The following SLC35F1 variants were observed in gnomAD, a reference collection of about 807,000 sequenced individuals.
SLC35F1 encodes the protein chromosome 6 open reading frame 169.
In SLC35F1, 14 loss-of-function variants were observed where a neutral mutation model predicts 48.7. The ratio of observed to expected loss-of-function variants is 0.29; its 90% CI spans 0.19 to 0.45. The LOEUF (loss-of-function observed/expected upper bound fraction) is 0.45, where lower values mean the gene tolerates loss of function less well. SLC35F1 is among the 20% of genes least tolerant of loss of function. The pLI, the probability that SLC35F1 is intolerant of heterozygous loss-of-function variation, is 1.00. For synonymous variants in SLC35F1, 190 were observed against 202.2 expected (o/e 0.94, Z 0.51); for missense variants, 404 against 500.0 (o/e 0.81, Z 1.83).
chr6:118,127,625 G>A (rs1264820001), intron 1 of SLC35F1, among the ~76,000 whole-genome samples: 1 of 151,852 alleles, frequency 6.6e-6, no homozygotes, highest in Non-Finnish European at 1.5e-5. Context: ...AGCTGAAACT[G>A]GATCCCTTCC....
At chr6:118,188,596 A>C (rs1774692627) in intron 2 of SLC35F1, among the ~76,000 whole-genome samples, 1 of 152,046 alleles carries the variant, frequency 6.6e-6, no homozygotes, top group African/African-American at 2.4e-5. Flanking sequence ...GAAATCCCTT[A>C]AACTTATTGG....
rs935568636 is a variant in SLC35F1, at chr6:117,999,177, G to A, written c.173+91278G>A. 6.3e-5 allele frequency: 100 copies of A among 1,594,878 alleles called. No homozygotes were observed. The East Asian group carries it at 1.3e-3, about 20-fold the overall frequency. On this transcript the variant is annotated intron_variant, in intron 1 of 7. Coordinates refer to ENST00000360388, the MANE Select transcript of SLC35F1 (RefSeq NM_001029858.4). ...AACAATGCCAAGGCCATGAGTGCAC[G>A]TGCCGAGGCTATCAAGGCCCTCGTA...
chr6:118,047,333 A>T (rs1400154612), intron 1 of SLC35F1, among the ~76,000 whole-genome samples: 1 of 152,248 alleles, frequency 6.6e-6, no homozygotes, highest in East Asian at 1.9e-4. Flanking sequence ...TAGACATAAA[A>T]CTTAGGGCAT....
In SLC35F1 at chr6:117,912,480, A is replaced by G. The variant is rs564370585; in HGVS notation, c.173+4581A>G. On this transcript the variant is annotated intron_variant, in intron 1 of 7. Coordinates refer to ENST00000360388, the MANE Select transcript of SLC35F1 (RefSeq NM_001029858.4). Reference sequence around the variant, plus strand: ...GGTATTCCATACAGTTGGTGGAAACATATAATTTAGATGATCCTTTCTGAT... The same window carrying G: ...GGTATTCCATACAGTTGGTGGAAACGTATAATTTAGATGATCCTTTCTGAT... Among the ~76,000 whole-genome samples, 3 of 152,340 alleles carry G rather than the reference A, an allele frequency of 2.0e-5. No individual in the cohort carries two copies. The East Asian group carries it at 5.8e-4, about 29-fold the overall frequency.
chr6:118,234,732 A>G (rs1338982930), intron 2 of SLC35F1, among the ~76,000 whole-genome samples: 2 of 152,162 alleles, frequency 1.3e-5, no homozygotes, highest in Admixed American at 6.5e-5. Flanking sequence ...TACATCCTCT[A>G]TGAAGACCCC....
intron 1 of SLC35F1, among the ~76,000 whole-genome samples, chr6:117,962,811 C>T (rs1276444475): frequency 6.6e-6 from 1 of 152,206 alleles, no homozygotes; most frequent in Non-Finnish European, 1.5e-5. Flanking sequence ...ATCAGCTAGG[C>T]ACTCTTTAAT....
chr6:118,217,052 G>A (rs77626332), intron 2 of SLC35F1, among the ~76,000 whole-genome samples: 1 of 152,050 alleles, frequency 6.6e-6, no homozygotes. Flanking sequence ...GAAAAAAAAA[G>A]TTCCCTACAG....
intron 3 of SLC35F1, among the ~76,000 whole-genome samples, chr6:118,240,932 T>C (rs1486529472): frequency 1.3e-5 from 2 of 151,974 alleles, no homozygotes; most frequent in Non-Finnish European, 2.9e-5. Flanking sequence ...CCATTTCAAG[T>C]GTTTGGGTCT....
chr6:118,061,865 A>T (rs1045175324), intron 1 of SLC35F1, among the ~76,000 whole-genome samples: 1 of 152,194 alleles, frequency 6.6e-6, no homozygotes, highest in South Asian at 2.1e-4. Flanking sequence ...CTGCACTCCT[A>T]CGAGAATCTA....
At chr6:117,973,896 A>G (rs900310346) in intron 1 of SLC35F1, among the ~76,000 whole-genome samples, 5 of 152,222 alleles carry the variant, frequency 3.3e-5, no homozygotes, top group African/African-American at 1.2e-4. Flanking sequence ...ACTCAAAGTT[A>G]TGGTTTCTTC....
At chr6:118,042,445 T>C (rs888197628) in intron 1 of SLC35F1, among the ~76,000 whole-genome samples, 3 of 152,132 alleles carry the variant, frequency 2.0e-5, no homozygotes, top group African/African-American at 7.2e-5. Flanking sequence ...ATGAAGAAGG[T>C]CATCTCAGAC....
At chr6:118,043,942 T>C (rs1285007612) in intron 1 of SLC35F1, among the ~76,000 whole-genome samples, 1 of 152,224 alleles carries the variant, frequency 6.6e-6, no homozygotes, top group East Asian at 1.9e-4. Flanking sequence ...GGATGTGACC[T>C]ATTCCCCTTG....
chr6:118,229,307 G>A (rs1775259139), intron 2 of SLC35F1, among the ~76,000 whole-genome samples: 1 of 152,158 alleles, frequency 6.6e-6, no homozygotes. Context: ...ACTTAGATCA[G>A]GCAAGGAGAC....
intron 1 of SLC35F1, among the ~76,000 whole-genome samples, chr6:117,967,027 A>G (rs1776579700): frequency 6.6e-6 from 1 of 152,272 alleles, no homozygotes; most frequent in Admixed American, 6.5e-5. Context: ...CTCCAATTCT[A>G]CGAAGACAGA....
At chr6:118,264,954 C>T (rs918165621) in intron 3 of SLC35F1, among the ~76,000 whole-genome samples, 2 of 152,250 alleles carry the variant, frequency 1.3e-5, no homozygotes, top group African/African-American at 4.8e-5. Context: ...CTGCCACCAC[C>T]TCCTTCCTGT....
chr6:118,241,578 C>A (rs1353495391), intron 3 of SLC35F1, among the ~76,000 whole-genome samples: 1 of 147,278 alleles, frequency 6.8e-6, no homozygotes, highest in African/African-American at 2.5e-5. Context: ...TTTTTACCTT[C>A]GTGTGTGTGT....
At chr6:118,048,666 G>T (rs1346464755) in intron 1 of SLC35F1, among the ~76,000 whole-genome samples, 1 of 152,042 alleles carries the variant, frequency 6.6e-6, no homozygotes, top group Non-Finnish European at 1.5e-5. Flanking sequence ...GGGATGTGAA[G>T]GACCTCTTCA....
rs192509398 is a variant in SLC35F1, at chr6:117,914,487, A to G, written c.173+6588A>G. 4.6e-5 allele frequency among the ~76,000 whole-genome samples: 7 copies of G among 152,300 alleles called. No homozygotes were observed. In the South Asian group the frequency reaches 8.3e-4, roughly 18 times the overall value. ...AGCACAAAGCACTCTGGTCTGTCGT[A>G]TAAGATAGATCTCCTCACATTCATT... On this transcript the variant is annotated intron_variant, in intron 1 of 7. Transcript: ENST00000360388.
At chr6:118,141,043 T>G (rs1773882182) in intron 1 of SLC35F1, among the ~76,000 whole-genome samples, 1 of 152,170 alleles carries the variant, frequency 6.6e-6, no homozygotes, top group Non-Finnish European at 1.5e-5. Context: ...GGAAAATATT[T>G]TAACTAAATT....
Sources: gnomAD v4.1 joint callset for allele counts (sites outside exome capture counted in the v4.1 genomes callset) on GRCh38, gnomAD v4.1.1 for gene constraint, MANE v1.5 for transcripts, NCBI Gene and HGNC (gene_info 2026-07-23, HGNC 2026-07-21) for gene names.